Variants in AP3B1 observed in about 807,000 individuals in gnomAD.
The protein encoded by AP3B1 is adaptor related protein complex 3 subunit beta 1, also known as AP-3 complex subunit beta-1.
In AP3B1, 61 loss-of-function variants were observed where a neutral mutation model predicts 132.5. That is an observed-to-expected ratio of 0.46 (90% confidence interval 0.37 to 0.57). The LOEUF (loss-of-function observed/expected upper bound fraction) is 0.57. AP3B1 is among the 20% of genes least tolerant of loss of function. The pLI, the probability that AP3B1 is intolerant of heterozygous loss-of-function variation, is 0.00. For missense variants in AP3B1, 1,120 were observed against 1,289.4 expected (o/e 0.87, Z 2.01); for synonymous variants, 388 against 438.3 (o/e 0.89, Z 1.43).
chr5:78,057,014 A>G (rs1400475352), intron 22 of AP3B1, among the ~76,000 whole-genome samples: 1 of 152,188 alleles, frequency 6.6e-6, no homozygotes, highest in Non-Finnish European at 1.5e-5. Context: ...CTTCTAGAAC[A>G]TAGTTTCATT....
intron 12 of AP3B1, among the ~76,000 whole-genome samples, chr5:78,164,307 T>G (rs1743520985): frequency 6.6e-6 from 1 of 152,040 alleles, no homozygotes. Context: ...ACTTAAAAGT[T>G]TGACTGAAAA....
intron 17 of AP3B1, among the ~76,000 whole-genome samples, chr5:78,117,557 G>A (rs1357863716): frequency 1.3e-5 from 2 of 152,096 alleles, no homozygotes; most frequent in Non-Finnish European, 2.9e-5. Context: ...TGATCCACCT[G>A]CCTCGACCTC....
At chr5:78,270,506 G>T (rs189064435) in intron 1 of AP3B1, among the ~76,000 whole-genome samples, 1 of 152,154 alleles carries the variant, frequency 6.6e-6, no homozygotes, top group African/African-American at 2.4e-5. Context: ...TCAACGAAGG[G>T]AAGGCTGGAC....
chr5:78,108,084 T>C (rs1751418171), intron 20 of AP3B1, among the ~76,000 whole-genome samples: 2 of 152,164 alleles, frequency 1.3e-5, no homozygotes, highest in Non-Finnish European at 2.9e-5. Context: ...TTGAAAGCCA[T>C]ATATTCAAGG....
intron 17 of AP3B1, among the ~76,000 whole-genome samples, chr5:78,123,340 G>C (rs1752313005): frequency 6.6e-6 from 1 of 152,148 alleles, no homozygotes; most frequent in South Asian, 2.1e-4. Flanking sequence ...AGCCAAAATT[G>C]ACAAATGGGA....
intron 2 of AP3B1, among the ~76,000 whole-genome samples, chr5:78,246,562 A>G (rs2112528371): frequency 6.6e-6 from 1 of 152,306 alleles, no homozygotes; most frequent in African/African-American, 2.4e-5. Flanking sequence ...GTTCTTCTTG[A>G]GTAAACATCA....
At chr5:78,053,285 A>G (rs1048146869) in intron 22 of AP3B1, among the ~76,000 whole-genome samples, 10 of 151,802 alleles carry the variant, frequency 6.6e-5, no homozygotes, top group African/African-American at 2.4e-4. Context: ...AGCTTAATTC[A>G]AGTCTTCATT....
intron 20 of AP3B1, 37 bp downstream of exon 20, chr5:78,110,170 A>G (rs1561412507): frequency 6.4e-7 from 1 of 1,566,502 alleles, no homozygotes; most frequent in Non-Finnish European, 8.7e-7. Flanking sequence ...CTATAAGAAT[A>G]TTTACCTTCA....
At chr5:78,076,815 T>C (rs773134717) in intron 22 of AP3B1, among the ~76,000 whole-genome samples, 96 of 152,322 alleles carry the variant, frequency 6.3e-4, no homozygotes, top group African/African-American at 2.3e-3. Context: ...TCCATGCATA[T>C]TGCCAGATTT....
At chr5:78,240,809 T>C in intron 3 of AP3B1, 53 bp downstream of exon 3, 1 of 1,234,806 alleles carries the variant, frequency 8.1e-7, no homozygotes, top group Non-Finnish European at 1.2e-6. Flanking sequence ...ATAAAAAGTG[T>C]ACGGTCCCAT....
intron 22 of AP3B1, among the ~76,000 whole-genome samples, chr5:78,080,045 G>A (rs1300279499): frequency 6.6e-6 from 1 of 152,100 alleles, no homozygotes; most frequent in Non-Finnish European, 1.5e-5. Context: ...GTCTCACTCT[G>A]TCACCCAGGC....
intron 18 of AP3B1, among the ~76,000 whole-genome samples, chr5:78,114,848 C>T (rs1368768938): frequency 6.6e-6 from 1 of 152,204 alleles, no homozygotes; most frequent in Non-Finnish European, 1.5e-5. Context: ...CATGGGTTCT[C>T]AAGTTAGTGT....
chr5:78,067,991 T>C (rs1411453978), intron 22 of AP3B1, among the ~76,000 whole-genome samples: 1 of 151,154 alleles, frequency 6.6e-6, no homozygotes, highest in East Asian at 1.9e-4. Flanking sequence ...GCTGGTTGTT[T>C]GAAAAAAATT....
intron 1 of AP3B1, among the ~76,000 whole-genome samples, chr5:78,269,681 A>G (rs1348107132): frequency 1.3e-5 from 2 of 152,204 alleles, no homozygotes; most frequent in African/African-American, 2.4e-5. Context: ...AGTGCTACTT[A>G]AAGTATGATC....
At chr5:78,048,997 G>A (rs895990093) in intron 22 of AP3B1, among the ~76,000 whole-genome samples, 1 of 152,134 alleles carries the variant, frequency 6.6e-6, no homozygotes, top group African/African-American at 2.4e-5. Flanking sequence ...TGATTAGACT[G>A]AACCATATGT....
intron 25 of AP3B1, among the ~76,000 whole-genome samples, chr5:78,019,249 A>C (rs553747270): frequency 1.3e-5 from 2 of 152,258 alleles, no homozygotes; most frequent in Non-Finnish European, 2.9e-5. Flanking sequence ...TCATGCACTT[A>C]AGGTTCTGTA....
At chr5:78,148,282 C>T (rs987443067) in intron 14 of AP3B1, among the ~76,000 whole-genome samples, 2 of 152,122 alleles carry the variant, frequency 1.3e-5, no homozygotes, top group Non-Finnish European at 1.5e-5. Context: ...TTTACTAGCA[C>T]AAGTTTTAAC....
intron 22 of AP3B1, among the ~76,000 whole-genome samples, chr5:78,050,158 C>T (rs1335345190): frequency 1.3e-5 from 2 of 152,144 alleles, no homozygotes; most frequent in African/African-American, 4.8e-5. Context: ...CCACATGGCT[C>T]AGCTCTAGTA....
intron 26 of AP3B1, among the ~76,000 whole-genome samples, chr5:78,009,412 G>A (rs1317942360): frequency 6.6e-6 from 1 of 151,598 alleles, no homozygotes; most frequent in Non-Finnish European, 1.5e-5. Flanking sequence ...AGCTACAACT[G>A]TGCCACTGCA....
Sources: allele counts gnomAD v4.1 joint callset (sites outside exome capture counted in the v4.1 genomes callset), GRCh38; gene constraint gnomAD v4.1.1; transcripts MANE v1.5; gene names NCBI Gene and HGNC (gene_info 2026-07-23, HGNC 2026-07-21).